SLC1A6: variants seen among roughly 807,000 people sequenced by gnomAD.
SLC1A6 encodes the protein solute carrier family 1 member 6.
SLC1A6 carries 15 observed loss-of-function variants against 42.1 expected under a neutral mutation model. The ratio of observed to expected loss-of-function variants is 0.36; its 90% CI spans 0.24 to 0.55. The LOEUF (loss-of-function observed/expected upper bound fraction) is 0.55, where lower values mean the gene tolerates loss of function less well. Among genes scored for constraint, SLC1A6 ranks in the 20% least tolerant of loss-of-function variants. The probability of loss-of-function intolerance (pLI) is 0.88; values close to 1 mark genes in which losing one functional copy is unlikely to be tolerated. For synonymous variants in SLC1A6, 317 were observed against 319.7 expected (o/e 0.99, Z 0.09); for missense variants, 542 against 772.5 (o/e 0.70, Z 3.54).
chr19:14,952,787 TC>T, intron 9 of SLC1A6, 140 bp downstream of exon 9: 1 of 1,059,226 alleles, frequency 9.4e-7, no homozygotes, highest in Non-Finnish European at 1.3e-6. Context: ...ATTGGAGGCC[TC>T]TCCAAGGCCT....
intron 4 of SLC1A6, among the ~76,000 whole-genome samples, chr19:14,967,255 C>T (rs947324254): frequency 1.3e-5 from 2 of 152,136 alleles, no homozygotes; most frequent in African/African-American, 4.8e-5. Flanking sequence ...GCTGCTATGT[C>T]CAGGCTGCGG....
chr19:14,987,575 C>T (rs771094449), intron 1 of SLC1A6, among the ~76,000 whole-genome samples: 1 of 151,748 alleles, frequency 6.6e-6, no homozygotes, highest in African/African-American at 2.4e-5. Flanking sequence ...AGTGAATGTC[C>T]GAGTGCGCAG....
intron 1 of SLC1A6, among the ~76,000 whole-genome samples, chr19:14,975,767 GA>G (rs113839284): frequency 0.76 from 99,211 of 130,020 alleles, 37,826 homozygotes; most frequent in African/African-American, 0.83. Flanking sequence ...AAAAAAAAAG[GA>G]AAAAAAAAAA....
chr19:14,971,046 C>T (rs2045634680), intron 3 of SLC1A6, among the ~76,000 whole-genome samples: 1 of 152,106 alleles, frequency 6.6e-6, no homozygotes, highest in African/African-American at 2.4e-5. Flanking sequence ...GGAGGAATTG[C>T]TTGAACCTGG....
At chr19:14,995,120 T>C (rs1363937833) in intron 1 of SLC1A6, among the ~76,000 whole-genome samples, 2 of 150,746 alleles carry the variant, frequency 1.3e-5, no homozygotes, top group Non-Finnish European at 3.0e-5. Context: ...AGGTCAGGAG[T>C]TCGAGACCAG....
chr19:14,981,842 C>T (rs995239203), upstream of SLC1A6, among the ~76,000 whole-genome samples: 4 of 152,152 alleles, frequency 2.6e-5, no homozygotes, highest in Non-Finnish European at 5.9e-5. Context: ...CCTGCGCAGT[C>T]CTCTTCAAAA....
chr19:15,000,841 C>T (rs1249503900), intron 1 of SLC1A6, among the ~76,000 whole-genome samples: 1 of 152,198 alleles, frequency 6.6e-6, no homozygotes, highest in African/African-American at 2.4e-5. Flanking sequence ...CTTACATCTG[C>T]AATGACCCTA....
intron 1 of SLC1A6, among the ~76,000 whole-genome samples, chr19:15,005,259 C>CAAA (rs59367163): frequency 7.7e-5 from 7 of 91,098 alleles, no homozygotes; most frequent in Middle Eastern, 5.5e-3. Flanking sequence ...GACCCTGTCT[C>CAAA]AAAAAAAAAA....
chr19:14,999,495 T>G (rs1444047075), intron 1 of SLC1A6, among the ~76,000 whole-genome samples: 1 of 152,226 alleles, frequency 6.6e-6, no homozygotes, highest in Non-Finnish European at 1.5e-5. Flanking sequence ...CTTAAAGACC[T>G]TGGGCACATG....
intron 1 of SLC1A6, among the ~76,000 whole-genome samples, chr19:14,988,517 C>T (rs1267886230): frequency 2.0e-5 from 3 of 152,132 alleles, no homozygotes; most frequent in Non-Finnish European, 4.4e-5. Flanking sequence ...AAATGGCCAA[C>T]AGGTTCATGA....
chr19:14,954,212 G>A lies in SLC1A6; in HGVS notation c.1287C>T (p.Leu429=). ...TGAAGATGGCAGCCAGGGCCTCGTA[G>A]AGGGCAGTGCCATCCATGTTGACCG... The part of the protein sequence containing the change: ...GATVNMDGTA[L]YEALAAIFIA... Residue 429 remains leucine (L), a synonymous_variant, in exon 8 of 10, where the codon CTC becomes CTT. Transcript: ENST00000594383. 6.2e-7 allele frequency: 1 copy of A among 1,614,186 alleles called. No homozygotes were observed. The highest frequency in any genetic ancestry group is 8.5e-7 in the Non-Finnish European group (1 of 1,180,034).
intron 1 of SLC1A6, among the ~76,000 whole-genome samples, chr19:15,007,025 T>C (rs1046927930): frequency 5.9e-5 from 9 of 152,282 alleles, no homozygotes; most frequent in Non-Finnish European, 1.2e-4. Context: ...TAAGTACGTA[T>C]TGAGTGCTTG....
intron 5 of SLC1A6, 174 bp downstream of exon 5, chr19:14,964,145 A>T (rs1599995773): frequency 1.6e-6 from 1 of 628,946 alleles, no homozygotes; most frequent in East Asian, 2.7e-5. Context: ...GCTTCTCCCT[A>T]ACCCCCCCAG....
chr19:14,960,306 G>A (rs991169414), intron 6 of SLC1A6, among the ~76,000 whole-genome samples: 2 of 152,198 alleles, frequency 1.3e-5, no homozygotes, highest in African/African-American at 4.8e-5. Context: ...GAATGAATTA[G>A]AATGAATAAA....
chr19:14,958,852 C>T (rs1315187399), intron 6 of SLC1A6, among the ~76,000 whole-genome samples: 1 of 152,228 alleles, frequency 6.6e-6, no homozygotes, highest in Non-Finnish European at 1.5e-5. Flanking sequence ...TGTTAACTCT[C>T]TGCTTATCCT....
intron 1 of SLC1A6, chr19:14,977,627 A>G (rs977848846): frequency 2.0e-5 from 3 of 152,166 alleles, no homozygotes; most frequent in African/African-American, 7.2e-5. Flanking sequence ...TTTAAAAATT[A>G]AAAATTAGCC....
intron 1 of SLC1A6, among the ~76,000 whole-genome samples, chr19:14,990,149 C>G (rs1282922374): frequency 6.6e-6 from 1 of 151,906 alleles, no homozygotes; most frequent in African/African-American, 2.4e-5. Flanking sequence ...ATGTTATTCA[C>G]AACAGTCAAG....
intron 1 of SLC1A6, among the ~76,000 whole-genome samples, chr19:15,008,842 G>T (rs981109257): frequency 3.3e-5 from 3 of 90,496 alleles, no homozygotes; most frequent in East Asian, 6.0e-4. Context: ...AAAATAATTC[G>T]CGTTTTTTTT....
At chr19:14,960,397 G>A (rs1319353330) in intron 6 of SLC1A6, among the ~76,000 whole-genome samples, 1 of 152,194 alleles carries the variant, frequency 6.6e-6, no homozygotes, top group African/African-American at 2.4e-5. Flanking sequence ...AAATTTACGA[G>A]TGAATGAATA....
Sources: gnomAD v4.1 joint callset for allele counts (sites outside exome capture counted in the v4.1 genomes callset) on GRCh38, gnomAD v4.1.1 for gene constraint, MANE v1.5 for transcripts, NCBI Gene and HGNC (gene_info 2026-07-23, HGNC 2026-07-21) for gene names.